Variants in TENM3 observed in about 807,000 individuals in gnomAD.
TENM3 encodes the protein teneurin-3.
Under a neutral mutation model 255.1 loss-of-function variants are expected in TENM3, and 63 were observed. The observed-to-expected ratio is 0.25, with a 90% confidence interval of 0.20 to 0.30. The LOEUF (loss-of-function observed/expected upper bound fraction) is 0.30, where lower values mean the gene tolerates loss of function less well. TENM3 is among the 10% of genes least tolerant of loss of function. TENM3 has a pLI of 1.00. For missense variants in TENM3, 2,929 were observed against 3,461.1 expected (o/e 0.85, Z 3.86); for synonymous variants, 1,306 against 1,322.3 (o/e 0.99, Z 0.27).
chr4:182,234,113 AG>A (rs1756743964), intron 1 of TENM3, among the ~76,000 whole-genome samples: 2 of 152,128 alleles, frequency 1.3e-5, no homozygotes, highest in Admixed American at 1.3e-4. Context: ...TCACCGTGAA[AG>A]CCTGGCTCCC....
At chr4:182,794,411 T>C (rs1379880529) in intron 26 of TENM3, among the ~76,000 whole-genome samples, 1 of 152,194 alleles carries the variant, frequency 6.6e-6, no homozygotes, top group Non-Finnish European at 1.5e-5. Flanking sequence ...CTCATGGAGA[T>C]AATTAAGGTG....
chr4:181,643,667 G>C, the TENM3 span, among the ~76,000 whole-genome samples: 2 of 152,080 alleles, frequency 1.3e-5, no homozygotes, highest in East Asian at 3.9e-4. Flanking sequence ...CTGAGTCAAG[G>C]GTCAATAATT....
chr4:182,707,437 C>T (rs1378303589), intron 12 of TENM3, among the ~76,000 whole-genome samples: 2 of 152,066 alleles, frequency 1.3e-5, no homozygotes, highest in Non-Finnish European at 2.9e-5. Context: ...CTAAGGGGTG[C>T]AGAAAAGAGC....
At chr4:182,386,966 A>G (rs1015369606) in intron 3 of TENM3, among the ~76,000 whole-genome samples, 2 of 152,220 alleles carry the variant, frequency 1.3e-5, no homozygotes, top group Non-Finnish European at 2.9e-5. Flanking sequence ...AGGCAGCTCC[A>G]CCTGCAGCCC....
At chr4:182,047,890 T>A in the TENM3 span, among the ~76,000 whole-genome samples, 3 of 152,172 alleles carry the variant, frequency 2.0e-5, no homozygotes, top group Non-Finnish European at 4.4e-5. Context: ...CTGATTTATC[T>A]CTTGCTTTGT....
intron 13 of TENM3, among the ~76,000 whole-genome samples, chr4:182,727,455 C>CAA (rs10522655): frequency 8.4e-6 from 1 of 119,262 alleles, no homozygotes; most frequent in African/African-American, 3.2e-5. Context: ...GACTCAGTCT[C>CAA]AAAAAAAAAG....
rs553060868 is a variant in TENM3 at position 182,670,140 on chromosome 4, T to C, written c.1112-2865T>C. On this transcript the variant is annotated intron_variant, in intron 6 of 27. Transcript: ENST00000511685. Reference sequence around the variant, plus strand: ...TAGCATTATACATATTTTTTCTCTCTTTATTTAACTGTATGTTCTAATTTT... The same window carrying C: ...TAGCATTATACATATTTTTTCTCTCCTTATTTAACTGTATGTTCTAATTTT... Among the ~76,000 whole-genome samples the C allele has an allele frequency of 2.4e-4, 35 of 147,932 alleles. No homozygotes were observed. The South Asian group carries it at 5.0e-3, about 21-fold the overall frequency.
At chr4:182,595,597 T>C (rs1461638182) in intron 3 of TENM3, among the ~76,000 whole-genome samples, 2 of 152,196 alleles carry the variant, frequency 1.3e-5, no homozygotes, top group Non-Finnish European at 2.9e-5. Context: ...TGTTAGGCTT[T>C]CATTGAAGTT....
intron 6 of TENM3, among the ~76,000 whole-genome samples, chr4:182,666,009 T>C (rs1019428800): frequency 1.3e-5 from 2 of 152,268 alleles, no homozygotes; most frequent in Admixed American, 1.3e-4. Context: ...TGGAACTTAA[T>C]TCCAACATTC....
intron 1 of TENM3, among the ~76,000 whole-genome samples, chr4:182,176,605 A>G (rs1462785774): frequency 2.0e-5 from 3 of 152,170 alleles, no homozygotes; most frequent in Non-Finnish European, 4.4e-5. Flanking sequence ...CAACATTTAC[A>G]TAATGTTTTA....
chr4:181,508,300 C>T, the TENM3 span, among the ~76,000 whole-genome samples: 1 of 152,204 alleles, frequency 6.6e-6, no homozygotes, highest in Non-Finnish European at 1.5e-5. Context: ...TTTCAGACAG[C>T]AGGGGTCCTA....
At chr4:181,667,695 C>T in the TENM3 span, among the ~76,000 whole-genome samples, 1 of 152,176 alleles carries the variant, frequency 6.6e-6, no homozygotes, top group South Asian at 2.1e-4. Flanking sequence ...TTGGACTTCT[C>T]AGCCTCCAGA....
chr4:182,021,768 A>T, the TENM3 span, among the ~76,000 whole-genome samples: 1 of 152,186 alleles, frequency 6.6e-6, no homozygotes, highest in African/African-American at 2.4e-5. Context: ...AGGAAAATGT[A>T]ATATCAAAGT....
chr4:182,388,796 C>T (rs959613564), intron 3 of TENM3, among the ~76,000 whole-genome samples: 15 of 152,106 alleles, frequency 9.9e-5, no homozygotes, highest in Admixed American at 6.6e-4. Context: ...TTTCAGAAGC[C>T]TTTATCTGTG....
the TENM3 span, among the ~76,000 whole-genome samples, chr4:181,630,008 C>T: frequency 3.3e-5 from 5 of 152,230 alleles, no homozygotes; most frequent in African/African-American, 9.6e-5. Flanking sequence ...ATTGCCTCAA[C>T]TTCAGAGCCT....
the TENM3 span, among the ~76,000 whole-genome samples, chr4:182,114,405 T>C: frequency 1.3e-5 from 2 of 152,214 alleles, no homozygotes; most frequent in African/African-American, 4.8e-5. Context: ...TCCTCCTCCT[T>C]CTTCATTTTA....
intron 1 of TENM3, among the ~76,000 whole-genome samples, chr4:182,282,115 G>C (rs988942812): frequency 2.0e-5 from 3 of 152,178 alleles, no homozygotes; most frequent in African/African-American, 7.2e-5. Context: ...ACTGCCAGCT[G>C]TTAAAAAATC....
At chr4:181,919,313 A>C in the TENM3 span, among the ~76,000 whole-genome samples, 1 of 151,922 alleles carries the variant, frequency 6.6e-6, no homozygotes, top group Non-Finnish European at 1.5e-5. Flanking sequence ...GAACAGAAAG[A>C]GCTGAGCTGG....
intron 2 of TENM3, among the ~76,000 whole-genome samples, chr4:182,334,745 G>A (rs1359703835): frequency 6.6e-6 from 1 of 152,038 alleles, no homozygotes; most frequent in African/African-American, 2.4e-5. Flanking sequence ...TATCCATCTG[G>A]AAGAATATAA....
Sources: gnomAD v4.1 joint callset for allele counts (sites outside exome capture counted in the v4.1 genomes callset) on GRCh38, gnomAD v4.1.1 for gene constraint, MANE v1.5 for transcripts, NCBI Gene and HGNC (gene_info 2026-07-23, HGNC 2026-07-21) for gene names.